The following MAGI1 variants were observed in gnomAD, a reference collection of about 807,000 sequenced individuals.
The protein encoded by MAGI1 is membrane associated guanylate kinase, WW and PDZ domain containing 1, also known as membrane-associated guanylate kinase, WW and PDZ domain-containing protein 1.
Under a neutral mutation model 139.9 loss-of-function variants are expected in MAGI1, and 58 were observed. That is an observed-to-expected ratio of 0.41 (90% CI 0.34 to 0.52). The LOEUF (loss-of-function observed/expected upper bound fraction) is 0.52, where lower values mean the gene tolerates loss of function less well. Among genes scored for constraint, MAGI1 ranks in the 20% least tolerant of loss-of-function variants. The probability of loss-of-function intolerance (pLI) is 0.12; values close to 1 mark genes in which losing one functional copy is unlikely to be tolerated. For missense variants in MAGI1, 1,874 were observed against 1,901.6 expected, an observed-to-expected ratio of 0.99 and a Z score of 0.27; for synonymous variants, 812 against 737.9, an observed-to-expected ratio of 1.10 and a Z score of -1.63.
chr3:65,698,682 G>A (rs1327018836), intron 1 of MAGI1, among the ~76,000 whole-genome samples: 1 of 151,446 alleles, frequency 6.6e-6, no homozygotes, highest in African/African-American at 2.4e-5. Context: ...TATGTAGAAA[G>A]CTGAAACTGG....
chr3:65,852,934 G>C (rs2059253187), intron 1 of MAGI1, among the ~76,000 whole-genome samples: 1 of 145,062 alleles, frequency 6.9e-6, no homozygotes, highest in South Asian at 2.2e-4. Context: ...AGGAGATCGA[G>C]ACCATCCTGG....
intron 1 of MAGI1, among the ~76,000 whole-genome samples, chr3:65,989,854 A>G (rs1576377935): frequency 6.6e-6 from 1 of 151,182 alleles, no homozygotes; most frequent in African/African-American, 2.5e-5. Flanking sequence ...ATAATTTTTT[A>G]ATGTTATACA....
intron 1 of MAGI1, among the ~76,000 whole-genome samples, chr3:65,878,848 A>C (rs185212489): frequency 3.3e-5 from 5 of 152,282 alleles, no homozygotes; most frequent in African/African-American, 4.8e-5. Flanking sequence ...AGCTGCCTCC[A>C]ATTTATCTAC....
chr3:65,758,010 C>A (rs1217609597), intron 1 of MAGI1, among the ~76,000 whole-genome samples: 1 of 152,214 alleles, frequency 6.6e-6, no homozygotes, highest in Non-Finnish European at 1.5e-5. Flanking sequence ...AGACCCATTT[C>A]TGTGATGTCA....
intron 2 of MAGI1, among the ~76,000 whole-genome samples, chr3:65,611,196 T>C (rs2083076196): frequency 7.0e-6 from 1 of 141,908 alleles, no homozygotes; most frequent in Non-Finnish European, 1.5e-5. Flanking sequence ...ATGGTATATA[T>C]GTGTGTATAC....
intron 1 of MAGI1, among the ~76,000 whole-genome samples, chr3:65,912,710 T>C (rs2108681148): frequency 6.6e-6 from 1 of 152,252 alleles, no homozygotes; most frequent in Admixed American, 6.5e-5. Context: ...TTAGTTACCT[T>C]AGAAGATTAT....
intron 1 of MAGI1, among the ~76,000 whole-genome samples, chr3:65,777,684 G>A (rs1226260020): frequency 6.6e-6 from 1 of 151,078 alleles, no homozygotes; most frequent in Non-Finnish European, 1.5e-5. Flanking sequence ...AAAGAAAAGG[G>A]AAAAGAAAAA....
At chr3:65,814,278 G>A (rs932765906) in intron 1 of MAGI1, among the ~76,000 whole-genome samples, 1 of 152,020 alleles carries the variant, frequency 6.6e-6, no homozygotes, top group African/African-American at 2.4e-5. Flanking sequence ...CATTCTCTAA[G>A]GTGGTAGTAA....
intron 1 of MAGI1, among the ~76,000 whole-genome samples, chr3:65,850,729 G>A (rs1174724264): frequency 6.6e-6 from 1 of 152,034 alleles, no homozygotes; most frequent in African/African-American, 2.4e-5. Context: ...AGGATGCAAC[G>A]TTCACTCCCT....
rs934890667 is a variant in MAGI1 at position 65,472,784 on chromosome 3, G to A, written c.758-2300C>T. Among the ~76,000 whole-genome samples, 4 of 152,246 alleles carry A rather than the reference G, an allele frequency of 2.6e-5. No homozygotes were observed. In the South Asian group the frequency reaches 8.3e-4, roughly 32 times the overall value. On this transcript the variant is annotated intron_variant, in intron 4 of 22. Transcript: ENST00000402939. ...GACAGTTTGTGCCCTGGAGGAGAGT[G>A]GACTTGGGGTTGCCAAACTTCTGAT...
At chr3:65,522,695 T>C (rs1358285513) in intron 2 of MAGI1, among the ~76,000 whole-genome samples, 3 of 152,190 alleles carry the variant, frequency 2.0e-5, no homozygotes, top group Non-Finnish European at 4.4e-5. Context: ...TACTCAAGAC[T>C]TCAATTTGGG....
intron 1 of MAGI1, among the ~76,000 whole-genome samples, chr3:65,777,696 A>G (rs1488547204): frequency 1.3e-5 from 2 of 151,840 alleles, no homozygotes; most frequent in African/African-American, 4.8e-5. Flanking sequence ...AAAGAAAAAT[A>G]TGTTCGGTCT....
At chr3:65,738,758 A>G (rs1387188091) in intron 1 of MAGI1, among the ~76,000 whole-genome samples, 1 of 152,222 alleles carries the variant, frequency 6.6e-6, no homozygotes, top group Admixed American at 6.5e-5. Flanking sequence ...GTAACAATAC[A>G]TTGAAAGGAA....
intron 6 of MAGI1, chr3:65,452,966 T>C: frequency 3.4e-6 from 1 of 294,906 alleles, no homozygotes; most frequent in South Asian, 7.4e-5. Context: ...TTCTAGAATT[T>C]ACTCTAAGTT....
intron 2 of MAGI1, among the ~76,000 whole-genome samples, chr3:65,582,729 G>A (rs532526788): frequency 2.0e-5 from 3 of 152,214 alleles, no homozygotes; most frequent in African/African-American, 2.4e-5. Flanking sequence ...CCTCATGGAA[G>A]TCACCTCAGC....
Position 65,672,038 on chromosome 3 carries a change from T to C in MAGI1, c.314-49950A>G, listed in dbSNP as rs544753390. Among the ~76,000 whole-genome samples the C allele has an allele frequency of 4.6e-5, 7 of 152,214 alleles. No homozygotes were observed. In the South Asian group the frequency reaches 1.5e-3, roughly 32 times the overall value. On this transcript the variant is annotated intron_variant, in intron 1 of 22. Transcript: ENST00000402939. ...GGTAGGTAAAAACTGAATCCCAAAT[T>C]GGAGATGCAATTTTCCCATTATGCA...
At chr3:65,573,802 TA>T (rs1229193545) in intron 2 of MAGI1, among the ~76,000 whole-genome samples, 8 of 152,114 alleles carry the variant, frequency 5.3e-5, no homozygotes, top group Non-Finnish European at 8.8e-5. Flanking sequence ...AAACTTTTAT[TA>T]TTTCTCAGAT....
chr3:65,565,535 A>G (rs887473016), intron 2 of MAGI1, among the ~76,000 whole-genome samples: 1 of 152,186 alleles, frequency 6.6e-6, no homozygotes, highest in African/African-American at 2.4e-5. Context: ...AGTGTGGCTC[A>G]GTTTGGACAA....
intron 2 of MAGI1, among the ~76,000 whole-genome samples, chr3:65,543,924 G>A (rs1559655207): frequency 1.3e-5 from 2 of 151,988 alleles, no homozygotes; most frequent in Non-Finnish European, 2.9e-5. Context: ...ACAGGAAGAT[G>A]TTTATCACAG....
Sources: allele counts gnomAD v4.1 joint callset (sites outside exome capture counted in the v4.1 genomes callset), GRCh38; gene constraint gnomAD v4.1.1; transcripts MANE v1.5; gene names NCBI Gene and HGNC (gene_info 2026-07-23, HGNC 2026-07-21).